Variants in CAMK2G observed in about 807,000 individuals in gnomAD.
The protein encoded by CAMK2G is calcium/calmodulin dependent protein kinase II gamma, also known as calcium/calmodulin-dependent protein kinase type II subunit gamma.
Under a neutral mutation model 88.7 loss-of-function variants are expected in CAMK2G, and 23 were observed. The observed-to-expected ratio is 0.26, with a 90% confidence interval of 0.19 to 0.37. The LOEUF (loss-of-function observed/expected upper bound fraction) is 0.37. Ranked by LOEUF, CAMK2G falls within the 10% of genes least tolerant of loss-of-function variation. The pLI is 1.00. For missense variants in CAMK2G, 476 were observed against 780.8 expected, an observed-to-expected ratio of 0.61 and a Z score of 4.65; for synonymous variants, 263 against 294.8, an observed-to-expected ratio of 0.89 and a Z score of 1.11.
intron 5 of CAMK2G, among the ~76,000 whole-genome samples, chr10:73,850,122 A>T (rs546466845): frequency 2.0e-5 from 3 of 152,216 alleles, no homozygotes; most frequent in Non-Finnish European, 4.4e-5. Context: ...CAGCCTCCCC[A>T]GTAGCTGGGA....
intron 14 of CAMK2G, among the ~76,000 whole-genome samples, chr10:73,836,692 C>T (rs144574395): frequency 5.9e-5 from 9 of 152,306 alleles, no homozygotes; most frequent in African/African-American, 2.2e-4. Flanking sequence ...AGAGTGTAAG[C>T]TGGGAGGCTT....
At position 73,874,531 on chromosome 10, in the gene CAMK2G, G is replaced by A. The variant is rs1230752926; in HGVS notation, c.-70C>T. Reference sequence around the variant, plus strand: ...GGTGCACAGTCACCGCCGCCCGGCCGAGGGAGCAAGAGGAGGAGACGGGGC... The same window carrying A: ...GGTGCACAGTCACCGCCGCCCGGCCAAGGGAGCAAGAGGAGGAGACGGGGC... On this transcript the variant is annotated 5_prime_UTR_variant, in exon 1 of 23. Coordinates refer to ENST00000423381, the MANE Select transcript of CAMK2G (RefSeq NM_001367534.1). The A allele has an allele frequency of 2.8e-6, 3 of 1,088,192 alleles. No homozygotes were observed. Among genetic ancestry groups the A allele is most frequent in the South Asian group, 2.0e-5 (1 of 50,478 alleles). The allele number at this position is 1,088,192 out of a possible 1,614,324, so 67.4% of individuals were successfully genotyped here. A position where few individuals can be genotyped will look rare whatever the true frequency, so the allele number is the denominator to read the frequency against.
rs1459057619 is a variant in CAMK2G, at chr10:73,842,638, C to T, written c.820-97G>A. On this transcript the variant is annotated intron_variant, in intron 10 of 22. Transcript: ENST00000423381. This position sits in a 1 kb window ranked among gnomAD's most constrained non-coding sequence, Gnocchi z 4.6. ...ACCATGCCCAGGACAGGGTCATGCA[C>T]TCAGCCACCCCAGAGTTGCTCTGAA... 2.4e-6 allele frequency: 2 copies of T among 825,226 alleles called. No individual in the cohort carries two copies. Among genetic ancestry groups the T allele is most frequent in the South Asian group, 1.4e-5 (1 of 70,520 alleles). 51.1% of individuals were successfully genotyped at this position (825,226 alleles called of 1,614,324 possible). A position where few individuals can be genotyped will look rare whatever the true frequency, so the allele number is the denominator to read the frequency against.
intron 3 of CAMK2G, among the ~76,000 whole-genome samples, chr10:73,859,600 C>T (rs553991259): frequency 2.0e-5 from 3 of 152,308 alleles, no homozygotes; most frequent in South Asian, 2.1e-4. Flanking sequence ...AGTAGTTCTG[C>T]GGCCAGGAAC....
intron 14 of CAMK2G, among the ~76,000 whole-genome samples, chr10:73,835,724 C>G (rs1338769613): frequency 6.6e-6 from 1 of 152,184 alleles, no homozygotes; most frequent in East Asian, 1.9e-4. Context: ...TGACATCAAT[C>G]TACCACACAC....
chr10:73,842,926 G>A lies in CAMK2G; in HGVS notation c.820-385C>T, dbSNP rs1447083700. On this transcript the variant is annotated intron_variant, in intron 10 of 22. Transcript: ENST00000423381. The surrounding 1 kb of genome is among the most constrained non-coding windows in gnomAD (Gnocchi z 4.6). ...TCCAGATGCTCAGCAGCGAGAGAAC[G>A]GCAGGGTTCCTGCTCTCTACAGAGG... Among the ~76,000 whole-genome samples, 3 of 152,034 alleles carry A rather than the reference G, an allele frequency of 2.0e-5. No homozygotes were observed. Among genetic ancestry groups the A allele is most frequent in the African/African-American group, 4.8e-5 (2 of 41,386 alleles).
At chr10:73,825,375 TC>T in intron 15 of CAMK2G, 28 bp from the exon 16 acceptor site, 1 of 1,577,208 alleles carries the variant, frequency 6.3e-7, no homozygotes, top group Non-Finnish European at 8.7e-7. Flanking sequence ...ATGGTTTAGT[TC>T]CTCCAGAGTC....
At chr10:73,865,719 G>A (rs2095560366) in intron 2 of CAMK2G, among the ~76,000 whole-genome samples, 1 of 152,174 alleles carries the variant, frequency 6.6e-6, no homozygotes, top group South Asian at 2.1e-4. Context: ...GTCCACAGTG[G>A]GAGGGCCCTG....
At chr10:73,869,724 T>C (rs1284985424) in intron 2 of CAMK2G, among the ~76,000 whole-genome samples, 2 of 152,254 alleles carry the variant, frequency 1.3e-5, no homozygotes, top group African/African-American at 2.4e-5. Context: ...AAGCTTTTGC[T>C]TACATTTAGC....
At chr10:73,871,823 G>A (rs2095842446) in intron 2 of CAMK2G, among the ~76,000 whole-genome samples, 1 of 152,190 alleles carries the variant, frequency 6.6e-6, no homozygotes, top group Admixed American at 6.5e-5. Context: ...CAGTCAGGGA[G>A]TGGACACGGC....
At chr10:73,824,148 G>T in intron 16 of CAMK2G, 64 bp from the exon 17 acceptor site, 1 of 1,259,302 alleles carries the variant, frequency 7.9e-7, no homozygotes, top group Non-Finnish European at 1.2e-6. Flanking sequence ...TCCCTGAGGA[G>T]CCCCACCTGC....
At chr10:73,819,490 G>C (rs1011280706) in intron 19 of CAMK2G, 42 bp downstream of exon 19, 3 of 1,401,564 alleles carry the variant, frequency 2.1e-6, no homozygotes, top group Non-Finnish European at 3.0e-6. Flanking sequence ...TTCAGGACGA[G>C]CCAGGGAGAC....
Position 73,849,328 on chromosome 10 carries a change from C to T in CAMK2G, c.347G>A (p.Cys116Tyr). The T allele has an allele frequency of 6.2e-7, 1 of 1,610,734 alleles. No homozygotes were observed. The highest frequency in any genetic ancestry group is 8.5e-7 in the Non-Finnish European group (1 of 1,177,080). The change falls in exon 6 of 23, where the codon TGT (cysteine) becomes TAT (tyrosine). Residue 116 changes from cysteine to tyrosine, a missense_variant. By Grantham distance (194) the Cys-to-Tyr change is radical. Transcript: ENST00000423381. The stretch of plus-strand genomic sequence containing the variant: ...AACACTCTCCAGAATCTGATGTATA[C>T]AGTGGCTAAAAAAGCAGAAGGAAAA... Reference protein sequence around the residue: ...EYYSEADASHCIHQILESVNH... With the variant: ...EYYSEADASHYIHQILESVNH...
At chr10:73,868,681 T>C (rs988945089) in intron 2 of CAMK2G, among the ~76,000 whole-genome samples, 23 of 152,190 alleles carry the variant, frequency 1.5e-4, no homozygotes, top group Admixed American at 5.9e-4. Flanking sequence ...CCTGCATTAC[T>C]GCTTCCCCCT....
chr10:73,842,870 T>C lies in CAMK2G; in HGVS notation c.820-329A>G, dbSNP rs1421527728. Among the ~76,000 whole-genome samples, 1 of 152,024 alleles carries C rather than the reference T, an allele frequency of 6.6e-6. No homozygotes were observed. The highest frequency in any genetic ancestry group is 6.6e-5 in the Admixed American group (1 of 15,266). On this transcript the variant is annotated intron_variant, in intron 10 of 22. Coordinates refer to ENST00000423381, the MANE Select transcript of CAMK2G (RefSeq NM_001367534.1). The surrounding 1 kb of genome is among the most constrained non-coding windows in gnomAD (Gnocchi z 4.6). ...CTGTGATCCTCATTCAGTCACTCCTTAGGCAGCTGTTTACTGAGCACCTAC... is the reference window on the plus strand; with the variant it reads ...CTGTGATCCTCATTCAGTCACTCCTCAGGCAGCTGTTTACTGAGCACCTAC...
intron 2 of CAMK2G, among the ~76,000 whole-genome samples, chr10:73,870,277 G>GC (rs1342814661): frequency 6.6e-6 from 1 of 152,154 alleles, no homozygotes; most frequent in African/African-American, 2.4e-5. Context: ...TCCCTTAAGA[G>GC]CCCAGCTCCA....
At chr10:73,828,040 C>T (rs573535602) in intron 15 of CAMK2G, 49 bp downstream of exon 15, 12 of 1,516,204 alleles carry the variant, frequency 7.9e-6, no homozygotes, top group African/African-American at 2.7e-5. Context: ...GGCTGGCAGG[C>T]GGGCACAGGC....
intron 21 of CAMK2G, chr10:73,816,700 C>T: frequency 2.6e-6 from 3 of 1,157,938 alleles, no homozygotes; most frequent in Non-Finnish European, 3.5e-6. Flanking sequence ...ACCTCGTGAT[C>T]CGCCAGCCTC....
chr10:73,831,632 G>C (rs1422636644), intron 14 of CAMK2G, among the ~76,000 whole-genome samples: 1 of 151,646 alleles, frequency 6.6e-6, no homozygotes, highest in Non-Finnish European at 1.5e-5. Context: ...CACTTCAGGA[G>C]GTTGAGGCGG....
Sources: gnomAD v4.1 joint callset for allele counts (sites outside exome capture counted in the v4.1 genomes callset) on GRCh38, gnomAD v4.1.1 for gene constraint, Gnocchi (gnomAD v3.1) non-coding constraint, MANE v1.5 for transcripts, NCBI Gene and HGNC (gene_info 2026-07-23, HGNC 2026-07-21) for gene names.